The following ZC3HC1 variants were observed in gnomAD, a reference collection of about 807,000 sequenced individuals.
ZC3HC1 encodes zinc finger C3HC-type protein 1.
In ZC3HC1, 38 loss-of-function variants were observed where a neutral mutation model predicts 61.9. The observed-to-expected ratio is 0.61, with a 90% CI of 0.47 to 0.81. The LOEUF (loss-of-function observed/expected upper bound fraction) is 0.81. Ranked by LOEUF, ZC3HC1 falls within the 30% of genes least tolerant of loss-of-function variation. The probability of loss-of-function intolerance (pLI) is 0.00; values close to 1 mark genes in which losing one functional copy is unlikely to be tolerated. For synonymous variants in ZC3HC1, 213 were observed against 229.9 expected (o/e 0.93, Z 0.67); for missense variants, 554 against 622.7 (o/e 0.89, Z 1.17).
At chr7:130,041,174 G>GTA in intron 2 of ZC3HC1, 73 bp from the exon 3 acceptor site, 2 of 1,464,832 alleles carry the variant, frequency 1.4e-6, no homozygotes, top group South Asian at 1.4e-5. Flanking sequence ...GTGTGTGTGT[G>GTA]TGTATACACA....
In ZC3HC1 at chr7:130,018,449, C is replaced by T. The variant is rs548481493; in HGVS notation, c.*215G>A. The T allele has an allele frequency of 4.0e-6, 2 of 502,564 alleles. No individual in the cohort carries two copies. The highest frequency in any genetic ancestry group is 3.8e-5 in the African/African-American group (2 of 52,690). 31.1% of individuals were successfully genotyped at this position (502,564 alleles called of 1,614,324 possible). Reference sequence around the variant, plus strand: ...CACTCCTTTAACAGAACCATGCTTGCTGCCCTTACCCTGTCCACATCCCTG... The same window carrying T: ...CACTCCTTTAACAGAACCATGCTTGTTGCCCTTACCCTGTCCACATCCCTG... On this transcript the variant is annotated 3_prime_UTR_variant, in exon 10 of 10. Transcript: ENST00000358303.
intron 4 of ZC3HC1, among the ~76,000 whole-genome samples, chr7:130,033,070 T>C (rs1794286003): frequency 6.6e-6 from 1 of 152,098 alleles, no homozygotes; most frequent in African/African-American, 2.4e-5. Flanking sequence ...ACACCATCTT[T>C]TTCCTTTGCT....
At chr7:130,042,366 C>T (rs1794712257) in intron 2 of ZC3HC1, among the ~76,000 whole-genome samples, 1 of 150,404 alleles carries the variant, frequency 6.6e-6, no homozygotes, top group Admixed American at 6.7e-5. Context: ...CATTAATTTT[C>T]ACTGAATCTG....
At chr7:130,050,495 C>CA (rs758646812) in intron 1 of ZC3HC1, 84 of 1,475,276 alleles carry the variant, frequency 5.7e-5, no homozygotes, top group Admixed American at 8.2e-5. Flanking sequence ...GGTTCTAGGC[C>CA]AAAAAAAATT....
At chr7:130,051,378 G>T (rs778232710), upstream of ZC3HC1, 1 of 1,612,232 alleles carries the variant, frequency 6.2e-7, no homozygotes. Context: ...TTGGTCCGCT[G>T]CCGAGTTGCT....
intron 2 of ZC3HC1, chr7:130,045,436 A>ACCATGTTGG (rs981132484): frequency 1.5e-5 from 7 of 456,762 alleles, no homozygotes; most frequent in East Asian, 1.4e-4. Context: ...ACCCATCAGT[A>ACCATGTTGG]CCATGTTGGC....
chr7:130,043,837 G>A, intron 2 of ZC3HC1: 1 of 455,812 alleles, frequency 2.2e-6, no homozygotes, highest in Non-Finnish European at 4.4e-6. Flanking sequence ...TGGCAGCATG[G>A]CAGAAATGGG....
chr7:130,026,344 C>A (rs191405783), intron 5 of ZC3HC1, 32 bp from the exon 6 acceptor site: 1 of 1,588,528 alleles, frequency 6.3e-7, no homozygotes, highest in Non-Finnish European at 8.6e-7. Flanking sequence ...AACTTCGTTT[C>A]AACCACCATA....
rs201850364 is a variant in ZC3HC1, at chr7:130,041,015, G to A, written c.345C>T (p.Leu115=). The A allele has an allele frequency of 6.2e-7, 1 of 1,614,028 alleles. No individual in the cohort carries two copies. The highest frequency in any genetic ancestry group is 8.5e-7 in the Non-Finnish European group (1 of 1,180,028). ...GAAAAGCTTGACAGCTAGAGCACTT[G>A]AGCATATCACATTCCACTGTGACCC... ...YGWVTVECDM[L]KCSSCQAFLC... Residue 115 remains leucine, a synonymous_variant, in exon 3 of 10, where the codon CTC becomes CTT. Coordinates refer to ENST00000358303, the MANE Select transcript of ZC3HC1 (RefSeq NM_016478.5).
At chr7:130,045,446 C>T (rs916402038) in intron 2 of ZC3HC1, 2 of 456,798 alleles carry the variant, frequency 4.4e-6, no homozygotes, top group Admixed American at 4.7e-5. Context: ...ACCATGTTGG[C>T]CATGTTGGAG....
chr7:130,038,625 A>G (rs941710698), intron 4 of ZC3HC1, among the ~76,000 whole-genome samples: 16 of 151,544 alleles, frequency 1.1e-4, no homozygotes, highest in African/African-American at 3.2e-4. Flanking sequence ...TTGGGAGGCC[A>G]AGGCAGGCAG....
At chr7:130,048,935 A>G in intron 2 of ZC3HC1, 98 bp downstream of exon 2, 1 of 841,152 alleles carries the variant, frequency 1.2e-6, no homozygotes, top group South Asian at 3.4e-5. Context: ...CCAAGGTTTT[A>G]TTCTTAAGTT....
chr7:130,023,598 C>T lies in ZC3HC1; in HGVS notation c.1146G>A (p.Met382Ile). Reference sequence around the variant, plus strand: ...CCAGGCCAGGGGTGTCTCCTGTTCCCATGCTTCGGGTCACTGGGCGAGTTC... The same window carrying T: ...CCAGGCCAGGGGTGTCTCCTGTTCCTATGCTTCGGGTCACTGGGCGAGTTC... ...TTRTRPVTRS[M>I]GTGDTPGLEV... The change falls in exon 8 of 10, where the codon ATG (methionine) becomes ATA (isoleucine). Residue 382 changes from methionine to isoleucine, a missense_variant. Met to Ile is a conservative substitution (Grantham distance 10). Coordinates refer to ENST00000358303, the MANE Select transcript of ZC3HC1 (RefSeq NM_016478.5). The surrounding 1 kb of genome is among the most constrained non-coding windows in gnomAD (Gnocchi z 4.2). The T allele has an allele frequency of 1.9e-6, 3 of 1,614,138 alleles. No homozygotes were observed. The highest frequency in any genetic ancestry group is 1.7e-5 in the Admixed American group (1 of 60,004).
At chr7:130,050,403 G>C in intron 1 of ZC3HC1, 1 of 1,532,522 alleles carries the variant, frequency 6.5e-7, no homozygotes, top group Non-Finnish European at 8.7e-7. Flanking sequence ...ATAAAAATAG[G>C]ATTACATCAA....
intron 6 of ZC3HC1, 99 bp from the exon 7 acceptor site, chr7:130,024,605 G>C (rs1358729191): frequency 7.4e-7 from 1 of 1,354,304 alleles, no homozygotes; most frequent in African/African-American, 1.5e-5. Context: ...CCAATTTCTG[G>C]AACAGTCACC....
intron 2 of ZC3HC1, among the ~76,000 whole-genome samples, chr7:130,047,898 G>A (rs76338099): frequency 1.2e-3 from 187 of 152,272 alleles, no homozygotes; most frequent in African/African-American, 4.0e-3. Context: ...TCACTTTTGA[G>A]ATTAGATTAC....
intron 5 of ZC3HC1, chr7:130,026,989 A>AT: frequency 1.3e-5 from 2 of 150,784 alleles, no homozygotes; most frequent in South Asian, 4.2e-4. Context: ...AAAAAAAAAA[A>AT]ATTAAAGAAA....
intron 2 of ZC3HC1, among the ~76,000 whole-genome samples, chr7:130,042,647 A>G (rs138225113): frequency 3.6e-4 from 55 of 152,238 alleles, no homozygotes; most frequent in African/African-American, 1.3e-3. Flanking sequence ...TAAAACATTT[A>G]TTACTCCTTA....
At chr7:130,044,835 C>T (rs534243649) in intron 2 of ZC3HC1, among the ~76,000 whole-genome samples, 5 of 152,138 alleles carry the variant, frequency 3.3e-5, no homozygotes, top group South Asian at 2.1e-4. Context: ...CATTGCTTCA[C>T]GACACTCCTG....
Sources: gnomAD v4.1 joint callset for allele counts (sites outside exome capture counted in the v4.1 genomes callset) on GRCh38, gnomAD v4.1.1 for gene constraint, Gnocchi (gnomAD v3.1) non-coding constraint, MANE v1.5 for transcripts, NCBI Gene and HGNC (gene_info 2026-07-23, HGNC 2026-07-21) for gene names.